CAPS2: variants seen among roughly 807,000 people sequenced by gnomAD.
CAPS2 encodes the protein calcyphosin-2.
A neutral mutation model predicts 86.5 loss-of-function variants in CAPS2; 98 were observed. That is an observed-to-expected ratio of 1.13 (90% CI 0.96 to 1.34). CAPS2 has a LOEUF of 1.34. Among genes scored for constraint, CAPS2 ranks in the 40% most tolerant of loss-of-function variants. The pLI is 0.00. For missense variants in CAPS2, 729 were observed against 686.8 expected, an observed-to-expected ratio of 1.06 and a Z score of -0.69; for synonymous variants, 210 against 225.1, an observed-to-expected ratio of 0.93 and a Z score of 0.60.
intron 1 of CAPS2, among the ~76,000 whole-genome samples, chr12:75,387,721 G>C (rs139055754): frequency 1.5e-3 from 226 of 152,168 alleles, no homozygotes; most frequent in African/African-American, 5.3e-3. Context: ...ATGGTAAAGG[G>C]GCTAAACTAA....
intron 6 of CAPS2, among the ~76,000 whole-genome samples, chr12:75,315,543 T>C (rs527916666): frequency 1.3e-4 from 20 of 152,320 alleles, no homozygotes; most frequent in African/African-American, 4.6e-4. Context: ...CATAATTGAT[T>C]CTGGATGATT....
chr12:75,331,581 T>G (rs865979012), upstream of CAPS2, among the ~76,000 whole-genome samples: 95 of 151,774 alleles, frequency 6.3e-4, no homozygotes, highest in Non-Finnish European at 1.0e-3. Flanking sequence ...TTTTTTTTTT[T>G]GAGACGGAGT....
chr12:75,353,673 C>T (rs1410924620), intron 1 of CAPS2, among the ~76,000 whole-genome samples: 1 of 152,134 alleles, frequency 6.6e-6, no homozygotes, highest in African/African-American at 2.4e-5. Flanking sequence ...ATACCAAAAC[C>T]TGGCAAAGAA....
chr12:75,321,578 T>C lies in CAPS2; in HGVS notation c.292-2A>G. On this transcript the variant is annotated splice_acceptor_variant, in intron 4 of 16. Transcript: ENST00000393284. LOFTEE classifies it high-confidence loss of function. ...ATTTTCAGGTATTATGTTCTGATCCTATAGGTAAAAAGAAAAAAGCATGCT... is the reference window on the plus strand; with the variant it reads ...ATTTTCAGGTATTATGTTCTGATCCCATAGGTAAAAAGAAAAAAGCATGCT... 1.3e-6 allele frequency: 2 copies of C among 1,531,132 alleles called. No individual in the cohort carries two copies. Among genetic ancestry groups the C allele is most frequent in the South Asian group, 2.5e-5 (2 of 81,120 alleles). The allele number at this position is 1,531,132 out of a possible 1,614,324, so 94.8% of individuals were successfully genotyped here. A position where few individuals can be genotyped will look rare whatever the true frequency, so the allele number is the denominator to read the frequency against.
At chr12:75,334,999 G>A, upstream of CAPS2, 4 of 1,213,462 alleles carry the variant, frequency 3.3e-6, no homozygotes, top group East Asian at 2.4e-5. Context: ...AATTCAATCC[G>A]GACTTTACAT....
chr12:75,281,614 C>A lies in CAPS2; in HGVS notation c.1612+637G>T, dbSNP rs544171942. ...GAAAATTCATAGAGTAAGTAAAATTCATAATGTATTAACTGAAATATATAT... is the reference window on the plus strand; with the variant it reads ...GAAAATTCATAGAGTAAGTAAAATTAATAATGTATTAACTGAAATATATAT... On this transcript the variant is annotated intron_variant, in intron 16 of 16. Coordinates refer to ENST00000393284, the Ensembl canonical transcript of CAPS2. Among the ~76,000 whole-genome samples, 21 of 151,964 alleles carry A rather than the reference C, an allele frequency of 1.4e-4. 1 individual carries two copies. The highest frequency in any genetic ancestry group is 6.8e-3 in the Middle Eastern group (2 of 294).
chr12:75,303,087 G>C (rs1296330129), intron 8 of CAPS2, among the ~76,000 whole-genome samples: 1 of 152,168 alleles, frequency 6.6e-6, no homozygotes, highest in Non-Finnish European at 1.5e-5. Context: ...GTTCATAGCA[G>C]CACTATTCAC....
At chr12:75,347,103 A>G (rs7298343) in intron 1 of CAPS2, among the ~76,000 whole-genome samples, 55,955 of 151,086 alleles carry the variant, frequency 0.37, 10,894 homozygotes, top group East Asian at 0.5. Flanking sequence ...CCATCCTTAC[A>G]GCAGGCATCT....
chr12:75,346,766 T>G (rs2042477949), intron 1 of CAPS2, among the ~76,000 whole-genome samples: 2 of 152,182 alleles, frequency 1.3e-5, no homozygotes. Flanking sequence ...AGGACAAGGC[T>G]ATAGAAAACA....
chr12:75,317,639 G>C lies in CAPS2; in HGVS notation c.469-1205C>G, dbSNP rs1039755335. On this transcript the variant is annotated intron_variant, in intron 5 of 16. Transcript: ENST00000393284. ...CTCCAGTTAATGGTAACCCTCTTAG[G>C]CCAAAAGCCTTAGATCCATTGTTTT... Among the ~76,000 whole-genome samples, 3 of 151,822 alleles carry C rather than the reference G, an allele frequency of 2.0e-5. No homozygotes were observed. The East Asian group carries it at 5.8e-4, about 29-fold the overall frequency.
At chr12:75,331,311 C>G (rs574017468), upstream of CAPS2, among the ~76,000 whole-genome samples, 2 of 152,264 alleles carry the variant, frequency 1.3e-5, no homozygotes, top group Middle Eastern at 3.4e-3. Flanking sequence ...AGTAACTTTT[C>G]AAAATTAGCT....
chr12:75,328,846 G>C (rs569264653), upstream of CAPS2, among the ~76,000 whole-genome samples: 4 of 152,224 alleles, frequency 2.6e-5, no homozygotes, highest in East Asian at 7.7e-4. Context: ...CAGTCAATTC[G>C]GAATGACAAA....
intron 1 of CAPS2, chr12:75,366,973 C>T (rs1566012323): frequency 1.4e-6 from 1 of 701,750 alleles, no homozygotes; most frequent in Non-Finnish European, 2.6e-6. Flanking sequence ...CAGCTTGCAG[C>T]TTGCAGTAAC....
At chr12:75,320,554 A>T (rs2040205748) in intron 5 of CAPS2, among the ~76,000 whole-genome samples, 2 of 152,032 alleles carry the variant, frequency 1.3e-5, no homozygotes, top group African/African-American at 4.8e-5. Context: ...TCAGCTAATC[A>T]CTGTGTGATT....
At chr12:75,372,974 A>G (rs973190469) in intron 1 of CAPS2, among the ~76,000 whole-genome samples, 1 of 152,238 alleles carries the variant, frequency 6.6e-6, no homozygotes, top group Admixed American at 6.5e-5. Flanking sequence ...GATCCAGAGT[A>G]CATGTCTATT....
At chr12:75,329,839 G>A (rs2041135550), upstream of CAPS2, 2 of 1,545,656 alleles carry the variant, frequency 1.3e-6, no homozygotes, top group East Asian at 2.5e-5. Context: ...CACCTGCAGT[G>A]TAGCAGAAGG....
intron 1 of CAPS2, among the ~76,000 whole-genome samples, chr12:75,366,632 G>A (rs1197272946): frequency 6.7e-6 from 1 of 150,208 alleles, no homozygotes; most frequent in East Asian, 2.0e-4. Context: ...CTCTTCTTCA[G>A]ATTGTTGCCT....
intron 1 of CAPS2, among the ~76,000 whole-genome samples, chr12:75,386,165 GT>G (rs2045279033): frequency 6.6e-6 from 1 of 152,020 alleles, no homozygotes; most frequent in Admixed American, 6.6e-5. Context: ...TTATTCTAAA[GT>G]TTATATGAAG....
upstream of CAPS2, chr12:75,334,699 G>A (rs1264196262): frequency 4.4e-6 from 7 of 1,600,248 alleles, no homozygotes; most frequent in Non-Finnish European, 6.0e-6. Context: ...CGCGCAGTCA[G>A]GGCATCCTCC....
Sources: gnomAD v4.1 joint callset for allele counts (sites outside exome capture counted in the v4.1 genomes callset) on GRCh38, gnomAD v4.1.1 for gene constraint, MANE v1.5 for transcripts, NCBI Gene and HGNC (gene_info 2026-07-23, HGNC 2026-07-21) for gene names.